Variants in IKBKB observed in about 807,000 individuals in gnomAD.
IKBKB encodes the protein inhibitor of nuclear factor kappa B kinase subunit beta.
In IKBKB, 42 loss-of-function variants were observed where a neutral mutation model predicts 113.6. The observed-to-expected ratio is 0.37, with a 90% CI of 0.29 to 0.48. IKBKB has a LOEUF of 0.48. IKBKB is among the 20% of genes least tolerant of loss of function. The pLI is 0.99. For synonymous variants in IKBKB, 296 were observed against 361.3 expected (o/e 0.82, Z 2.05); for missense variants, 673 against 939.7 (o/e 0.72, Z 3.71).
At chr8:42,320,226 A>AT (rs1338940893) in intron 15 of IKBKB, 4 of 156,902 alleles carry the variant, frequency 2.5e-5, no homozygotes, top group East Asian at 1.9e-4. Flanking sequence ...CTTAGTATCG[A>AT]TTTTTATGAA....
chr8:42,301,608 AT>A (rs1815221309), intron 5 of IKBKB, among the ~76,000 whole-genome samples: 2 of 152,222 alleles, frequency 1.3e-5, no homozygotes, highest in South Asian at 4.1e-4. Flanking sequence ...TCTGGACTTT[AT>A]TAAGTTGACA....
chr8:42,274,835 G>T (rs1808719226), intron 2 of IKBKB, among the ~76,000 whole-genome samples: 1 of 127,628 alleles, frequency 7.8e-6, no homozygotes, highest in South Asian at 2.5e-4. Flanking sequence ...TGGGATTACA[G>T]GTGGGAACTA....
At chr8:42,318,397 G>C (rs982624000) in intron 12 of IKBKB, among the ~76,000 whole-genome samples, 155 bp from the exon 13 acceptor site, 1 of 152,174 alleles carries the variant, frequency 6.6e-6, no homozygotes, top group African/African-American at 2.4e-5. Context: ...ATACATGTAT[G>C]TGACAGTAAC....
At chr8:42,319,444 G>A (rs1490323034) in intron 14 of IKBKB, 23 bp downstream of exon 14, 4 of 1,613,576 alleles carry the variant, frequency 2.5e-6, no homozygotes, top group South Asian at 1.1e-5. Flanking sequence ...TTTGCAATGA[G>A]TTTAAAGACA....
At position 42,271,467 on chromosome 8, in the gene IKBKB, C is replaced by T. The variant is rs1295883226; in HGVS notation, c.-21C>T. On this transcript the variant is annotated splice_region_variant and 5_prime_UTR_variant, in exon 1 of 22. An upstream open reading frame in the 5' UTR gains an earlier in-frame stop. Transcript: ENST00000520810. ...GCCCCCTGCCCCGCGTCCCTGCCGA[C>T]AGGTGAGTCCCCCTCGTGGGTGCGG... 3 of 1,256,126 alleles carry T rather than the reference C, an allele frequency of 2.4e-6. No individual in the cohort carries two copies. The highest frequency in any genetic ancestry group is 5.3e-5 in the East Asian group (2 of 37,822). 77.8% of individuals were successfully genotyped at this position (1,256,126 alleles called of 1,614,324 possible).
chr8:42,320,855 G>C lies in IKBKB; in HGVS notation c.1688+11G>C. ...AACGCTGGACGACCTGTGAGTACTG[G>C]CTGGGGGGCCCCTCTGTGCCCAGCA... On this transcript the variant is annotated intron_variant, in intron 16 of 21. Coordinates refer to ENST00000520810, the MANE Select transcript of IKBKB (RefSeq NM_001556.3). 6.4e-7 allele frequency: 1 copy of C among 1,555,814 alleles called. No homozygotes were observed.
At chr8:42,322,309 C>T in intron 18 of IKBKB, 38 bp from the exon 19 acceptor site, 1 of 1,613,180 alleles carries the variant, frequency 6.2e-7, no homozygotes, top group East Asian at 2.2e-5. Flanking sequence ...CTTTCTCCAG[C>T]CCAAATGCCA....
intron 21 of IKBKB, chr8:42,330,384 C>T: frequency 1.1e-6 from 1 of 875,672 alleles, no homozygotes. Flanking sequence ...CTGGGTCTTG[C>T]TATGTTGCCC....
intron 13 of IKBKB, 36 bp from the exon 14 acceptor site, chr8:42,319,234 G>GA (rs1819301928): frequency 1.2e-6 from 2 of 1,602,118 alleles, no homozygotes; most frequent in Admixed American, 1.7e-5. Flanking sequence ...TTGGATCCCA[G>GA]AGATGCTCCA....
rs370311467 is a variant in IKBKB, at chr8:42,316,393, C to T, written c.930+54C>T. ...GCAAAAGCTGGGGTCCCCAGTGGAA[C>T]ATGCAGTTCTTAGGACAGAGCAGGG... On this transcript the variant is annotated intron_variant, in intron 10 of 21. Coordinates refer to ENST00000520810, the MANE Select transcript of IKBKB (RefSeq NM_001556.3). The surrounding 1 kb of genome is among the most constrained non-coding windows in gnomAD (Gnocchi z 4.5). 3.7e-6 allele frequency: 6 copies of T among 1,609,112 alleles called. No individual in the cohort carries two copies. In the African/African-American group the frequency reaches 5.3e-5, roughly 14 times the overall value.
chr8:42,280,670 C>T (rs1489191967), intron 2 of IKBKB, among the ~76,000 whole-genome samples: 2 of 152,096 alleles, frequency 1.3e-5, no homozygotes, highest in African/African-American at 4.8e-5. Flanking sequence ...ACCCAGGGTA[C>T]CTTGTGATAT....
At position 42,272,890 on chromosome 8, in the gene IKBKB, A is replaced by G. The variant is rs143622310; in HGVS notation, c.105+685A>G. 5.2e-4 allele frequency among the ~76,000 whole-genome samples: 76 copies of G among 146,594 alleles called. No homozygotes were observed. In the East Asian group the frequency reaches 0.014, roughly 27 times the overall value. On this transcript the variant is annotated intron_variant, in intron 2 of 21. Coordinates refer to ENST00000520810, the MANE Select transcript of IKBKB (RefSeq NM_001556.3). ...ATGAGGCGGAGGTTGCAGTGAGCCA[A>G]GATTGCGCTACTGCACTCCAGCCTG...
intron 5 of IKBKB, among the ~76,000 whole-genome samples, chr8:42,303,902 T>C (rs962156344): frequency 1.2e-4 from 19 of 152,266 alleles, no homozygotes; most frequent in Admixed American, 7.2e-4. Context: ...AGATATTGTT[T>C]CCCCACCTCT....
chr8:42,320,593 C>T (rs1819574498), intron 15 of IKBKB, 142 bp from the exon 16 acceptor site: 2 of 655,454 alleles, frequency 3.1e-6, no homozygotes, highest in Admixed American at 5.3e-5. Flanking sequence ...CCATTCAGAC[C>T]CCACAGTCCA....
intron 20 of IKBKB, 44 bp downstream of exon 20, chr8:42,326,141 G>A (rs763020641): frequency 7.5e-6 from 12 of 1,610,282 alleles, no homozygotes; most frequent in East Asian, 4.5e-5. Flanking sequence ...TCAAGGGCAC[G>A]TCAGGAGATC....
chr8:42,274,578 G>A (rs1585503401), intron 2 of IKBKB, among the ~76,000 whole-genome samples: 2 of 151,640 alleles, frequency 1.3e-5, no homozygotes, highest in Admixed American at 1.3e-4. Flanking sequence ...TGTCGCCCAG[G>A]CTGGAGTGCA....
At chr8:42,275,982 AG>A (rs1313202797) in intron 2 of IKBKB, among the ~76,000 whole-genome samples, 4 of 152,138 alleles carry the variant, frequency 2.6e-5, no homozygotes, top group African/African-American at 9.7e-5. Flanking sequence ...CTGGGATTAC[AG>A]GTACATGCCA....
At chr8:42,295,823 C>T (rs1226026194) in intron 5 of IKBKB, among the ~76,000 whole-genome samples, 1 of 152,150 alleles carries the variant, frequency 6.6e-6, no homozygotes, top group African/African-American at 2.4e-5. Context: ...TTCACAGAAC[C>T]TCTCTGGTTA....
intron 20 of IKBKB, 36 bp downstream of exon 20, chr8:42,326,133 A>C: frequency 6.2e-7 from 1 of 1,612,948 alleles, no homozygotes; most frequent in South Asian, 1.1e-5. Flanking sequence ...TGTGACCATC[A>C]AGGGCACGTC....
Sources: allele counts gnomAD v4.1 joint callset (sites outside exome capture counted in the v4.1 genomes callset), GRCh38; gene constraint gnomAD v4.1.1; non-coding constraint Gnocchi (gnomAD v3.1); transcripts MANE v1.5; gene names NCBI Gene and HGNC (gene_info 2026-07-23, HGNC 2026-07-21).